Variants in VPS41 observed in about 807,000 individuals in gnomAD.
VPS41 encodes vacuolar protein sorting-associated protein 41 homolog.
Under a neutral mutation model 130.9 loss-of-function variants are expected in VPS41, and 85 were observed. The ratio of observed to expected loss-of-function variants is 0.65; its 90% confidence interval spans 0.55 to 0.78. The LOEUF (loss-of-function observed/expected upper bound fraction) is 0.78, where lower values mean the gene tolerates loss of function less well. Ranked by LOEUF, VPS41 falls within the 30% of genes least tolerant of loss-of-function variation. The pLI, the probability that VPS41 is intolerant of heterozygous loss-of-function variation, is 0.00. For missense variants in VPS41, 874 were observed against 1,018.7 expected, an observed-to-expected ratio of 0.86 and a Z score of 1.93; for synonymous variants, 335 against 332.9, an observed-to-expected ratio of 1.01 and a Z score of -0.07.
intron 9 of VPS41, among the ~76,000 whole-genome samples, chr7:38,790,884 T>C (rs1784523799): frequency 6.6e-6 from 1 of 152,252 alleles, no homozygotes; most frequent in South Asian, 2.1e-4. Flanking sequence ...AACATACTTA[T>C]ATATAAAACT....
At chr7:38,871,473 AAAAC>A (rs976051163) in intron 2 of VPS41, among the ~76,000 whole-genome samples, 3 of 152,234 alleles carry the variant, frequency 2.0e-5, no homozygotes, top group African/African-American at 7.2e-5. Flanking sequence ...CTTAAAAGAA[AAAAC>A]AAACAAACCC....
intron 2 of VPS41, among the ~76,000 whole-genome samples, chr7:38,870,299 A>G (rs989550152): frequency 2.6e-5 from 4 of 152,208 alleles, no homozygotes; most frequent in Non-Finnish European, 5.9e-5. Flanking sequence ...ATGAAGCTAA[A>G]AAGCTGAACA....
chr7:38,879,242 G>C (rs1370088568), intron 2 of VPS41, among the ~76,000 whole-genome samples: 1 of 152,196 alleles, frequency 6.6e-6, no homozygotes, highest in African/African-American at 2.4e-5. Flanking sequence ...ATCCAGCGTT[G>C]ACCTCTCCCC....
intron 2 of VPS41, among the ~76,000 whole-genome samples, chr7:38,894,105 A>T (rs1786926704): frequency 6.6e-6 from 1 of 152,228 alleles, no homozygotes; most frequent in African/African-American, 2.4e-5. Flanking sequence ...GAAAAGGTAG[A>T]AATATATAAG....
chr7:38,803,223 G>A (rs532536506), intron 7 of VPS41, among the ~76,000 whole-genome samples: 2 of 152,266 alleles, frequency 1.3e-5, no homozygotes, highest in South Asian at 2.1e-4. Flanking sequence ...CCCGATTCTG[G>A]TCACCTAACG....
At chr7:38,745,720 T>G (rs1340214415) in intron 22 of VPS41, 107 bp from the exon 23 acceptor site, 1 of 850,240 alleles carries the variant, frequency 1.2e-6, no homozygotes, top group Non-Finnish European at 1.9e-6. Flanking sequence ...ACAGCTTCTT[T>G]AAAAATAAAA....
At chr7:38,791,484 G>A (rs960549822) in intron 9 of VPS41, among the ~76,000 whole-genome samples, 1 of 152,160 alleles carries the variant, frequency 6.6e-6, no homozygotes, top group Non-Finnish European at 1.5e-5. Context: ...ATGGTGCAGT[G>A]GGGGAGACAC....
intron 27 of VPS41, among the ~76,000 whole-genome samples, chr7:38,727,948 A>G (rs1467737756): frequency 6.6e-6 from 1 of 152,202 alleles, no homozygotes; most frequent in East Asian, 1.9e-4. Flanking sequence ...ACAAATGCTT[A>G]TGTCTTTTAA....
At chr7:38,813,149 A>C (rs1584408100) in intron 7 of VPS41, among the ~76,000 whole-genome samples, 1 of 152,222 alleles carries the variant, frequency 6.6e-6, no homozygotes, top group East Asian at 1.9e-4. Flanking sequence ...ACGGATGAAT[A>C]AAACATGATA....
At chr7:38,816,209 A>G (rs1242813403) in intron 7 of VPS41, among the ~76,000 whole-genome samples, 4 of 152,144 alleles carry the variant, frequency 2.6e-5, no homozygotes, top group African/African-American at 9.7e-5. Flanking sequence ...ACATTTTAAC[A>G]TAAGGTGAAT....
intron 15 of VPS41, 93 bp from the exon 16 acceptor site, chr7:38,765,754 G>T: frequency 2.6e-6 from 2 of 762,560 alleles, no homozygotes; most frequent in Non-Finnish European, 4.2e-6. Context: ...TTCCCCAGAG[G>T]TTTAGAGAAA....
chr7:38,887,437 A>C (rs948848451), intron 2 of VPS41, among the ~76,000 whole-genome samples: 3 of 152,228 alleles, frequency 2.0e-5, no homozygotes, highest in Non-Finnish European at 4.4e-5. Context: ...CAGTGATTGA[A>C]GATCGAATTA....
intron 2 of VPS41, among the ~76,000 whole-genome samples, chr7:38,870,873 C>T (rs1786342906): frequency 1.4e-5 from 2 of 138,016 alleles, no homozygotes; most frequent in South Asian, 4.6e-4. Context: ...AAAATGTTAA[C>T]TGAATTAAGA....
intron 4 of VPS41, chr7:38,831,089 T>G: frequency 2.4e-6 from 1 of 415,864 alleles, no homozygotes; most frequent in East Asian, 7.1e-5. Context: ...TTCTATAGTC[T>G]TTGAATAAAT....
At chr7:38,834,241 T>C (rs1785445866) in intron 4 of VPS41, among the ~76,000 whole-genome samples, 1 of 152,176 alleles carries the variant, frequency 6.6e-6, no homozygotes, top group Non-Finnish European at 1.5e-5. Context: ...ATCTTTGTAA[T>C]ATTGAATCTT....
At chr7:38,837,040 C>T (rs887177527) in intron 4 of VPS41, among the ~76,000 whole-genome samples, 1 of 152,138 alleles carries the variant, frequency 6.6e-6, no homozygotes, top group Non-Finnish European at 1.5e-5. Context: ...AAAAGCAAAG[C>T]ATCTAAATGA....
intron 22 of VPS41, among the ~76,000 whole-genome samples, chr7:38,747,364 G>C (rs111788732): frequency 0.017 from 2,590 of 152,282 alleles, 33 homozygotes; most frequent in Non-Finnish European, 0.025. Flanking sequence ...AGTTGAGTGG[G>C]ACTGCCATTC....
intron 4 of VPS41, among the ~76,000 whole-genome samples, chr7:38,834,108 A>T (rs1474465068): frequency 1.7e-4 from 4 of 23,994 alleles, no homozygotes; most frequent in African/African-American, 1.6e-3. Context: ...ATGGTATTTA[A>T]AAAAAAAAAA....
At chr7:38,733,390 C>T (rs1036406997) in intron 25 of VPS41, among the ~76,000 whole-genome samples, 3 of 152,086 alleles carry the variant, frequency 2.0e-5, no homozygotes, top group Non-Finnish European at 2.9e-5. Context: ...TTGTTTTTTA[C>T]GGTTATGCTG....
Sources: gnomAD v4.1 joint callset for allele counts (sites outside exome capture counted in the v4.1 genomes callset) on GRCh38, gnomAD v4.1.1 for gene constraint, MANE v1.5 for transcripts, NCBI Gene and HGNC (gene_info 2026-07-23, HGNC 2026-07-21) for gene names.